MYPN: variants seen among roughly 807,000 people sequenced by gnomAD.
MYPN encodes myopalladin.
In MYPN, 63 loss-of-function variants were observed where a neutral mutation model predicts 129.4. That is an observed-to-expected ratio of 0.49 (90% confidence interval 0.40 to 0.60). MYPN has a LOEUF of 0.60. Among genes scored for constraint, MYPN ranks in the 20% least tolerant of loss-of-function variants. MYPN has a pLI of 0.00. For missense variants in MYPN, 1,596 were observed against 1,635.4 expected (o/e 0.98, Z 0.42); for synonymous variants, 629 against 600.9 (o/e 1.05, Z -0.68).
In MYPN at chr10:68,211,425, T is replaced by C. The variant is rs1430631558; in HGVS notation, c.*970T>C. 1.3e-5 allele frequency: 6 copies of C among 453,982 alleles called. No homozygotes were observed. The highest frequency in any genetic ancestry group is 2.6e-5 in the Non-Finnish European group (6 of 226,782). 28.1% of individuals were successfully genotyped at this position (453,982 alleles called of 1,614,324 possible). ...GGAAATGATGGGAGAGTGTTGTTTTTGTCACTTGCCCCAGCAGAGCAGGGG... is the reference window on the plus strand; with the variant it reads ...GGAAATGATGGGAGAGTGTTGTTTTCGTCACTTGCCCCAGCAGAGCAGGGG... On this transcript the variant is annotated 3_prime_UTR_variant, in exon 20 of 20. Coordinates refer to ENST00000358913, the MANE Select transcript of MYPN (RefSeq NM_032578.4).
chr10:68,129,313 A>C (rs1476626141), intron 2 of MYPN, among the ~76,000 whole-genome samples: 5 of 152,254 alleles, frequency 3.3e-5, no homozygotes, highest in Admixed American at 6.5e-5. Flanking sequence ...TTTTAAAAAT[A>C]ATATTAGTAA....
upstream of MYPN, among the ~76,000 whole-genome samples, chr10:68,102,924 A>G (rs2041988934): frequency 6.6e-6 from 1 of 152,218 alleles, no homozygotes; most frequent in African/African-American, 2.4e-5. Flanking sequence ...TTCGAACTGA[A>G]GCTCACTGTC....
At chr10:68,119,389 A>T (rs754540785) in intron 1 of MYPN, among the ~76,000 whole-genome samples, 6 of 52,366 alleles carry the variant, frequency 1.1e-4, no homozygotes, top group African/African-American at 8.9e-4. Context: ...ATTTTATTTT[A>T]TTTATTTATT....
chr10:68,149,571 T>G (rs532980613), intron 5 of MYPN, among the ~76,000 whole-genome samples: 26 of 152,312 alleles, frequency 1.7e-4, no homozygotes, highest in Admixed American at 1.4e-3. Flanking sequence ...AGTGCTAGAA[T>G]TACAGCTGTG....
At position 68,174,218 on chromosome 10, in the gene MYPN, A is replaced by G. The variant is rs2134199222; in HGVS notation, c.2126A>G (p.Gln709Arg). 6.2e-7 allele frequency: 1 copy of G among 1,614,128 alleles called. No homozygotes were observed. The highest frequency in any genetic ancestry group is 8.5e-7 in the Non-Finnish European group (1 of 1,179,978). Reference protein sequence around the residue: ...APPAVTTSSKQVKAPSSQTFS... With the variant: ...APPAVTTSSKRVKAPSSQTFS... ...CCAGCGGTGACAACATCCAGTAAGC[A>G]GGTGAAGGCTCCTTCATCACAGACG... The change falls in exon 11 of 20, where the codon CAG becomes CGG. Residue 709 changes from glutamine to arginine, a missense_variant. Coordinates refer to ENST00000358913, the MANE Select transcript of MYPN (RefSeq NM_032578.4).
At chr10:68,136,364 TGTAA>T in intron 2 of MYPN, 1 of 862,742 alleles carries the variant, frequency 1.2e-6, no homozygotes, top group South Asian at 4.7e-5. Context: ...ACTGCCATTC[TGTAA>T]GTGTCATGAG....
intron 13 of MYPN, among the ~76,000 whole-genome samples, chr10:68,189,550 A>G (rs2043477945): frequency 6.6e-6 from 1 of 152,188 alleles, no homozygotes; most frequent in Non-Finnish European, 1.5e-5. Flanking sequence ...GGTAACCACC[A>G]TTCCACTCAC....
Position 68,122,354 on chromosome 10 carries a change from A to G in MYPN, c.902+14A>G. 6.2e-7 allele frequency: 1 copy of G among 1,611,992 alleles called. No individual in the cohort carries two copies. The highest frequency in any genetic ancestry group is 8.5e-7 in the Non-Finnish European group (1 of 1,179,560). ...ACCTCAAGTAAGGTAAAAATGTCCCATTGGTAATGCTGAGTAATGTTGCTT... is the reference window on the plus strand; with the variant it reads ...ACCTCAAGTAAGGTAAAAATGTCCCGTTGGTAATGCTGAGTAATGTTGCTT... On this transcript the variant is annotated intron_variant, in intron 2 of 19. Transcript: ENST00000358913.
At chr10:68,106,802 G>A (rs1339422424), upstream of MYPN, 1 of 717,172 alleles carries the variant, frequency 1.4e-6, no homozygotes, top group African/African-American at 1.7e-5. Context: ...TCATCCCAAT[G>A]TGAGTAAATT....
At chr10:68,187,898 A>G (rs1423318078) in intron 12 of MYPN, among the ~76,000 whole-genome samples, 2 of 152,212 alleles carry the variant, frequency 1.3e-5, no homozygotes, top group Non-Finnish European at 2.9e-5. Flanking sequence ...GAATGGATAA[A>G]TGACAATTAG....
chr10:68,180,287 G>A (rs987665139), intron 12 of MYPN, among the ~76,000 whole-genome samples: 7 of 152,192 alleles, frequency 4.6e-5, no homozygotes, highest in African/African-American at 1.7e-4. Flanking sequence ...CCAGGCTCAA[G>A]CAATTCTCCC....
At chr10:68,110,534 C>T (rs1223159354) in intron 1 of MYPN, among the ~76,000 whole-genome samples, 1 of 152,154 alleles carries the variant, frequency 6.6e-6, no homozygotes, top group Non-Finnish European at 1.5e-5. Flanking sequence ...AAGATATTAA[C>T]ATCAGCTTGA....
chr10:68,174,671 G>A lies in MYPN; in HGVS notation c.2564+15G>A, dbSNP rs1239484258. ...GCACCATCCATGTAAGTGTCATTGA[G>A]GTTTCTTGATGTAAGATGCTAGTTA... is the stretch of plus-strand genomic sequence containing the variant. On this transcript the variant is annotated intron_variant, in intron 11 of 19. Coordinates refer to ENST00000358913, the MANE Select transcript of MYPN (RefSeq NM_032578.4). The A allele has an allele frequency of 1.9e-6, 3 of 1,611,482 alleles. No individual in the cohort carries two copies. Among genetic ancestry groups the A allele is most frequent in the African/African-American group, 2.7e-5 (2 of 74,968 alleles).
chr10:68,187,235 G>A (rs2043436544), intron 12 of MYPN, among the ~76,000 whole-genome samples: 1 of 151,602 alleles, frequency 6.6e-6, no homozygotes, highest in African/African-American at 2.4e-5. Flanking sequence ...AGCTGGGCAT[G>A]GCAGAGGGCG....
rs2043186027 is a variant in MYPN, at chr10:68,174,092, A to G, written c.2000A>G (p.His667Arg). Residue 667 changes from histidine to arginine, a missense_variant, in exon 11 of 20, where the codon CAT becomes CGT. Coordinates refer to ENST00000358913, the MANE Select transcript of MYPN (RefSeq NM_032578.4). ...GATTCCACTCAGTTACAACAGCTTC[A>G]TAACCAAGTCTTACTGGAACAACAC... ...KLDSTQLQQL[H>R]NQVLLEQHQL... 5.6e-6 allele frequency: 9 copies of G among 1,613,898 alleles called. No homozygotes were observed. The highest frequency in any genetic ancestry group is 5.9e-6 in the Non-Finnish European group (7 of 1,179,964).
Position 68,199,522 on chromosome 10 carries a change from T to C in MYPN, c.3440T>C (p.Ile1147Thr), listed in dbSNP as rs201600440. 6.2e-6 allele frequency: 10 copies of C among 1,614,036 alleles called. No homozygotes were observed. The highest frequency in any genetic ancestry group is 2.2e-5 in the East Asian group (1 of 44,886). ...CGCGACGCAGGGACCTATAAGTGCATCGCTACCAACAAAACCGGGCAGAAT... is the reference window on the plus strand; with the variant it reads ...CGCGACGCAGGGACCTATAAGTGCACCGCTACCAACAAAACCGGGCAGAAT... ...TQRDAGTYKC[I>T]ATNKTGQNSF... The change falls in exon 17 of 20, where the codon ATC becomes ACC. Residue 1147 changes from isoleucine (I) to threonine (T), a missense_variant. By Grantham distance (89) the Ile-to-Thr change is moderately conservative. Coordinates refer to ENST00000358913, the MANE Select transcript of MYPN (RefSeq NM_032578.4).
intron 1 of MYPN, among the ~76,000 whole-genome samples, chr10:68,099,074 C>A (rs890121744): frequency 1.3e-5 from 2 of 152,186 alleles, no homozygotes; most frequent in Non-Finnish European, 2.9e-5. Flanking sequence ...TCTATAACCA[C>A]CTTTTAATGT....
intron 12 of MYPN, among the ~76,000 whole-genome samples, chr10:68,180,550 AAGG>A (rs1297165228): frequency 3.3e-5 from 5 of 152,226 alleles, no homozygotes; most frequent in African/African-American, 7.2e-5. Flanking sequence ...CTGGAAAGAA[AAGG>A]AGAACACTTT....
intron 1 of MYPN, among the ~76,000 whole-genome samples, chr10:68,116,944 A>G (rs2042165972): frequency 1.3e-5 from 2 of 151,880 alleles, no homozygotes; most frequent in Admixed American, 1.3e-4. Context: ...GATAGGCCGG[A>G]CATGGTGGCT....
Sources: allele counts gnomAD v4.1 joint callset (sites outside exome capture counted in the v4.1 genomes callset), GRCh38; gene constraint gnomAD v4.1.1; transcripts MANE v1.5; gene names NCBI Gene and HGNC (gene_info 2026-07-23, HGNC 2026-07-21).